The following DOK5 variants were observed in gnomAD, a reference collection of about 807,000 sequenced individuals.
DOK5 encodes the protein downstream of tyrosine kinase 5.
DOK5 carries 27 observed loss-of-function variants against 43.3 expected under a neutral mutation model. The ratio of observed to expected loss-of-function variants is 0.62; its 90% CI spans 0.46 to 0.86. The LOEUF (loss-of-function observed/expected upper bound fraction) is 0.86. Among genes scored for constraint, DOK5 ranks in the 40% least tolerant of loss-of-function variants. The pLI, the probability that DOK5 is intolerant of heterozygous loss-of-function variation, is 0.00. For missense variants in DOK5, 373 were observed against 392.9 expected (o/e 0.95, Z 0.43); for synonymous variants, 146 against 140.1 (o/e 1.04, Z -0.30).
At chr20:54,512,663 C>A (rs966284371) in intron 1 of DOK5, among the ~76,000 whole-genome samples, 1 of 152,128 alleles carries the variant, frequency 6.6e-6, no homozygotes, top group African/African-American at 2.4e-5. Flanking sequence ...CTTTGCTTTA[C>A]TCTTATGAAA....
intron 5 of DOK5, among the ~76,000 whole-genome samples, chr20:54,599,629 G>A (rs1600726805): frequency 6.6e-6 from 1 of 152,302 alleles, no homozygotes; most frequent in African/African-American, 2.4e-5. Flanking sequence ...CAAAATTCTT[G>A]AAAGAAAGGA....
At chr20:54,488,920 A>G (rs1356133511) in intron 1 of DOK5, among the ~76,000 whole-genome samples, 1 of 152,018 alleles carries the variant, frequency 6.6e-6, no homozygotes, top group East Asian at 1.9e-4. Context: ...GACTTTGGCT[A>G]TCTTGTTCAC....
At chr20:54,628,404 G>A (rs1369151843) in intron 6 of DOK5, among the ~76,000 whole-genome samples, 7 of 68,534 alleles carry the variant, frequency 1.0e-4, no homozygotes, top group South Asian at 6.0e-4. Flanking sequence ...GCGAGACTCC[G>A]TCTCAAAAAA....
intron 6 of DOK5, among the ~76,000 whole-genome samples, chr20:54,631,323 G>A (rs1172152867): frequency 6.6e-6 from 1 of 152,068 alleles, no homozygotes; most frequent in Non-Finnish European, 1.5e-5. Context: ...GGCTGAGGTG[G>A]GAGGATAACT....
chr20:54,513,751 G>A (rs541068045), intron 1 of DOK5, among the ~76,000 whole-genome samples: 26 of 152,254 alleles, frequency 1.7e-4, no homozygotes, highest in African/African-American at 6.3e-4. Context: ...TTTGTCTTCT[G>A]CAGAATAGGG....
At chr20:54,631,002 T>G (rs1019604331) in intron 6 of DOK5, among the ~76,000 whole-genome samples, 4 of 152,246 alleles carry the variant, frequency 2.6e-5, no homozygotes, top group African/African-American at 9.6e-5. Flanking sequence ...ATCTGGTAAA[T>G]TAAACAGTGG....
chr20:54,498,837 G>A (rs1426198607), intron 1 of DOK5, among the ~76,000 whole-genome samples: 2 of 152,122 alleles, frequency 1.3e-5, no homozygotes, highest in African/African-American at 4.8e-5. Flanking sequence ...TCTCCCCTGT[G>A]GAAGAATAAA....
rs114970999 is a variant in DOK5 at position 54,517,897 on chromosome 20, C to T, written c.67-37036C>T. Among the ~76,000 whole-genome samples, 706 of 152,272 alleles carry T rather than the reference C, an allele frequency of 4.6e-3. 6 individuals carry two copies. Among genetic ancestry groups the T allele is most frequent in the African/African-American group, 0.016 (680 of 41,554 alleles). ...GGCCCTCACCAGATGCTGAACTTGC[C>T]AGTGCCTTGATCTTGGACTTCTCAG... On this transcript the variant is annotated intron_variant, in intron 1 of 7. Coordinates refer to ENST00000262593, the MANE Select transcript of DOK5 (RefSeq NM_018431.5).
rs2426534 is a variant in DOK5 at position 54,538,679 on chromosome 20, G to A, written c.67-16254G>A. Among the ~76,000 whole-genome samples, 1,431 of 152,250 alleles carry A rather than the reference G, an allele frequency of 9.4e-3. 31 individuals carry two copies. Among genetic ancestry groups the A allele is most frequent in the African/African-American group, 0.033 (1,372 of 41,546 alleles). On this transcript the variant is annotated intron_variant, in intron 1 of 7. Coordinates refer to ENST00000262593, the MANE Select transcript of DOK5 (RefSeq NM_018431.5). ...ATATAGAAAAAATATTTAGGACAATGATAAATAGGAGAAGTAAAATTATGT... is the reference window on the plus strand; with the variant it reads ...ATATAGAAAAAATATTTAGGACAATAATAAATAGGAGAAGTAAAATTATGT...
At chr20:54,644,167 G>A (rs564831750) in intron 7 of DOK5, among the ~76,000 whole-genome samples, 1 of 152,346 alleles carries the variant, frequency 6.6e-6, no homozygotes, top group East Asian at 1.9e-4. Flanking sequence ...ATGGCTTCAG[G>A]TTTGCTGAAT....
chr20:54,555,828 A>G (rs1044480462), intron 2 of DOK5, among the ~76,000 whole-genome samples: 3 of 152,166 alleles, frequency 2.0e-5, no homozygotes, highest in Admixed American at 1.3e-4. Context: ...AAGATTCTTT[A>G]AGCCTCATTT....
chr20:54,639,190 G>A (rs1978990917), intron 6 of DOK5, among the ~76,000 whole-genome samples: 1 of 152,160 alleles, frequency 6.6e-6, no homozygotes, highest in Non-Finnish European at 1.5e-5. Context: ...TGAACCATGA[G>A]CACAAGTCCC....
intron 2 of DOK5, among the ~76,000 whole-genome samples, chr20:54,566,335 G>A (rs186721003): frequency 2.1e-3 from 323 of 152,138 alleles, no homozygotes; most frequent in Middle Eastern, 0.014. Flanking sequence ...CATCTGGGTC[G>A]TTTTTAGTTT....
At position 54,542,119 on chromosome 20, in the gene DOK5, C is replaced by T. The variant is rs7267948; in HGVS notation, c.67-12814C>T. On this transcript the variant is annotated intron_variant, in intron 1 of 7. Coordinates refer to ENST00000262593, the MANE Select transcript of DOK5 (RefSeq NM_018431.5). The stretch of plus-strand genomic sequence containing the variant: ...TAAGATACACACACACACACACACA[C>T]ACACACACACACACACACACGCATG... 1.6e-3 allele frequency among the ~76,000 whole-genome samples: 233 copies of T among 147,050 alleles called. 1 individual carries two copies. The highest frequency in any genetic ancestry group is 4.1e-3 in the African/African-American group (149 of 36,770).
intron 6 of DOK5, among the ~76,000 whole-genome samples, chr20:54,631,607 T>C (rs1294459299): frequency 3.9e-5 from 6 of 152,200 alleles, no homozygotes; most frequent in Non-Finnish European, 8.8e-5. Context: ...ATCTACCTTA[T>C]ATGTTTTCCT....
chr20:54,634,746 A>G lies in DOK5; in HGVS notation c.736-8712A>G, dbSNP rs148821293. On this transcript the variant is annotated intron_variant, in intron 6 of 7. Transcript: ENST00000262593. ...ATGCTTTTAAAATAATCTTCAGGGC[A>G]TATACTACTATCTGCTTTTTTTTTT... 2.8e-3 allele frequency among the ~76,000 whole-genome samples: 424 copies of G among 150,054 alleles called. 2 individuals are homozygous for G. Among genetic ancestry groups the G allele is most frequent in the Admixed American group, 1.2e-3 (18 of 15,114 alleles).
At position 54,650,298 on chromosome 20, in the gene DOK5, A is replaced by G. The variant is rs1475565496; in HGVS notation, c.857-117A>G. 6.4e-6 allele frequency: 6 copies of G among 938,920 alleles called. No individual in the cohort carries two copies. In the African/African-American group the frequency reaches 1.0e-4, roughly 16 times the overall value. The allele number at this position is 938,920 out of a possible 1,614,324, so 58.2% of individuals were successfully genotyped here. A position where few individuals can be genotyped will look rare whatever the true frequency, so the allele number is the denominator to read the frequency against. On this transcript the variant is annotated intron_variant, in intron 7 of 7. Transcript: ENST00000262593. ...ATATCATCCTGAGAGGCCTTTGGAAAAAATTCTGCCTTAAGTACATTTACT... is the reference window on the plus strand; with the variant it reads ...ATATCATCCTGAGAGGCCTTTGGAAGAAATTCTGCCTTAAGTACATTTACT...
intron 5 of DOK5, among the ~76,000 whole-genome samples, chr20:54,607,292 C>T (rs1986501844): frequency 6.6e-6 from 1 of 152,200 alleles, no homozygotes; most frequent in Non-Finnish European, 1.5e-5. Flanking sequence ...GCTGCGCTAC[C>T]TCTACCCTAG....
rs540695047 is a variant in DOK5, at chr20:54,486,700, A to C, written c.66+10688A>C. ...CTTATTGGCTCTGTAGCCTTAGGGA[A>C]AATTGCTTACTCTTTCTGATCTTTA... is the stretch of plus-strand genomic sequence containing the variant. On this transcript the variant is annotated intron_variant, in intron 1 of 7. Transcript: ENST00000262593. 2.8e-4 allele frequency among the ~76,000 whole-genome samples: 42 copies of C among 152,252 alleles called. No homozygotes were observed. The South Asian group carries it at 8.5e-3, about 31-fold the overall frequency.
Sources: allele counts gnomAD v4.1 joint callset (sites outside exome capture counted in the v4.1 genomes callset), GRCh38; gene constraint gnomAD v4.1.1; transcripts MANE v1.5; gene names NCBI Gene and HGNC (gene_info 2026-07-23, HGNC 2026-07-21).